The following STXBP5 variants were observed in gnomAD, a reference collection of about 807,000 sequenced individuals.
STXBP5 encodes the protein syntaxin binding protein 5, also known as syntaxin-binding protein 5.
Under a neutral mutation model 152.4 loss-of-function variants are expected in STXBP5, and 50 were observed. The ratio of observed to expected loss-of-function variants is 0.33; its 90% CI spans 0.26 to 0.42. STXBP5 has a LOEUF of 0.42. Among genes scored for constraint, STXBP5 ranks in the 10% least tolerant of loss-of-function variants. The probability of loss-of-function intolerance (pLI) is 1.00; values close to 1 mark genes in which losing one functional copy is unlikely to be tolerated. For synonymous variants in STXBP5, 492 were observed against 494.7 expected, an observed-to-expected ratio of 0.99 and a Z score of 0.07; for missense variants, 1,167 against 1,388.6, an observed-to-expected ratio of 0.84 and a Z score of 2.54.
At chr6:147,239,084 G>T in intron 3 of STXBP5, 86 bp from the exon 4 acceptor site, 1 of 1,203,510 alleles carries the variant, frequency 8.3e-7, no homozygotes, top group Non-Finnish European at 1.1e-6. Flanking sequence ...TGAAATTTGG[G>T]AAGGAGATAT....
chr6:147,271,401 A>G (rs539281164), intron 7 of STXBP5, among the ~76,000 whole-genome samples: 1 of 152,298 alleles, frequency 6.6e-6, no homozygotes, highest in East Asian at 1.9e-4. Flanking sequence ...AAGACATGCT[A>G]TATTTAATGT....
intron 21 of STXBP5, among the ~76,000 whole-genome samples, chr6:147,340,863 G>T (rs778700411): frequency 1.3e-5 from 2 of 152,054 alleles, no homozygotes; most frequent in Admixed American, 6.6e-5. Context: ...GTTATTGGAA[G>T]GATAGTTCTT....
At chr6:147,278,044 A>C in intron 7 of STXBP5, 37 bp from the exon 8 acceptor site, 1 of 1,566,690 alleles carries the variant, frequency 6.4e-7, no homozygotes, top group Non-Finnish European at 8.7e-7. Flanking sequence ...TACTGTTTAA[A>C]TAGATTTTTT....
At chr6:147,340,843 T>A (rs929917389) in intron 21 of STXBP5, among the ~76,000 whole-genome samples, 2 of 152,134 alleles carry the variant, frequency 1.3e-5, no homozygotes, top group African/African-American at 4.8e-5. Context: ...AATTTATCAG[T>A]GTTGATAATG....
intron 12 of STXBP5, 43 bp from the exon 13 acceptor site, chr6:147,314,221 A>G (rs1444478254): frequency 1.3e-6 from 2 of 1,496,082 alleles, no homozygotes; most frequent in Non-Finnish European, 1.9e-6. Flanking sequence ...GGAGGTATGT[A>G]GTATGCTTGC....
chr6:147,270,439 A>G (rs1780109169), intron 7 of STXBP5, among the ~76,000 whole-genome samples: 3 of 151,126 alleles, frequency 2.0e-5, no homozygotes. Flanking sequence ...TTGTTTTCTT[A>G]GATGCAATGT....
intron 4 of STXBP5, among the ~76,000 whole-genome samples, chr6:147,246,452 T>G (rs1038477519): frequency 1.3e-5 from 2 of 152,194 alleles, no homozygotes; most frequent in Admixed American, 1.3e-4. Context: ...TGCTTTATTG[T>G]TTGTAAAACC....
intron 23 of STXBP5, among the ~76,000 whole-genome samples, chr6:147,362,256 C>G (rs1352417129): frequency 6.6e-6 from 1 of 152,018 alleles, no homozygotes; most frequent in East Asian, 1.9e-4. Flanking sequence ...ATCAGGAACT[C>G]TTTTTCTTAG....
At chr6:147,345,827 A>G (rs1337315645) in intron 21 of STXBP5, among the ~76,000 whole-genome samples, 1 of 152,196 alleles carries the variant, frequency 6.6e-6, no homozygotes, top group Non-Finnish European at 1.5e-5. Flanking sequence ...TTTTGTTGGT[A>G]TTGAAATTTG....
chr6:147,292,225 G>A (rs563321088), intron 9 of STXBP5: 55 of 451,042 alleles, frequency 1.2e-4, no homozygotes, highest in Admixed American at 3.6e-4. Context: ...TAAAAATGTC[G>A]TTATCTTTTC....
chr6:147,311,065 A>G (rs1399926218), intron 10 of STXBP5, among the ~76,000 whole-genome samples: 7 of 152,192 alleles, frequency 4.6e-5, no homozygotes, highest in Non-Finnish European at 1.0e-4. Context: ...TGTATTTTAC[A>G]GTTATTGACA....
chr6:147,281,583 A>G (rs1429436698), intron 8 of STXBP5, among the ~76,000 whole-genome samples: 2 of 152,210 alleles, frequency 1.3e-5, no homozygotes, highest in African/African-American at 4.8e-5. Flanking sequence ...TAAATATACT[A>G]GCCTTTTACA....
chr6:147,366,618 A>G (rs1785302033), intron 25 of STXBP5, among the ~76,000 whole-genome samples: 1 of 152,152 alleles, frequency 6.6e-6, no homozygotes, highest in South Asian at 2.1e-4. Context: ...CTGGGTGTCA[A>G]ATCTACCTCT....
chr6:147,329,726 C>T (rs1249427418), intron 18 of STXBP5, among the ~76,000 whole-genome samples: 4 of 144,972 alleles, frequency 2.8e-5, no homozygotes, highest in Admixed American at 7.1e-5. Context: ...CCCGGGTTCA[C>T]GCCATTCTCC....
intron 7 of STXBP5, among the ~76,000 whole-genome samples, chr6:147,277,653 C>A (rs768573251): frequency 1.3e-5 from 2 of 152,066 alleles, no homozygotes; most frequent in Admixed American, 6.6e-5. Context: ...AATTCCAAAT[C>A]TACATTTTGG....
intron 18 of STXBP5, among the ~76,000 whole-genome samples, chr6:147,328,495 T>TG (rs1288339995): frequency 2.0e-5 from 3 of 152,198 alleles, no homozygotes; most frequent in Non-Finnish European, 2.9e-5. Context: ...TTACAATTCA[T>TG]GGGGGGTAGA....
chr6:147,228,802 T>C (rs929030362), intron 2 of STXBP5, among the ~76,000 whole-genome samples: 4 of 152,146 alleles, frequency 2.6e-5, no homozygotes, highest in Non-Finnish European at 5.9e-5. Flanking sequence ...TGGGATTTCC[T>C]GAGCAATTTT....
Position 147,340,125 on chromosome 6 carries a change from T to C in STXBP5, c.2254+741T>C, listed in dbSNP as rs142513736. ...TGATCTTTGATTTAAATTCTAAATT[T>C]TTATCATACAGTTATTGTATTATTT... On this transcript the variant is annotated intron_variant, in intron 21 of 27. Coordinates refer to ENST00000321680, the MANE Select transcript of STXBP5 (RefSeq NM_001127715.4). Among the ~76,000 whole-genome samples the C allele has an allele frequency of 3.3e-5, 5 of 152,166 alleles. No individual in the cohort carries two copies. The East Asian group carries it at 9.6e-4, about 29-fold the overall frequency.
intron 16 of STXBP5, among the ~76,000 whole-genome samples, chr6:147,321,279 C>CT (rs989320554): frequency 6.6e-5 from 10 of 151,966 alleles, no homozygotes; most frequent in African/African-American, 1.7e-4. Context: ...AATATTGAGG[C>CT]TTTTTTCATA....
Sources: gnomAD v4.1 joint callset for allele counts (sites outside exome capture counted in the v4.1 genomes callset) on GRCh38, gnomAD v4.1.1 for gene constraint, MANE v1.5 for transcripts, NCBI Gene and HGNC (gene_info 2026-07-23, HGNC 2026-07-21) for gene names.